The following AGTPBP1 variants were observed in gnomAD, a reference collection of about 807,000 sequenced individuals.
The protein encoded by AGTPBP1 is cytosolic carboxypeptidase 1.
In AGTPBP1, 70 loss-of-function variants were observed where a neutral mutation model predicts 143.9. The observed-to-expected ratio is 0.49, with a 90% CI of 0.40 to 0.59. AGTPBP1 has a LOEUF of 0.59. AGTPBP1 is among the 20% of genes least tolerant of loss of function. AGTPBP1 has a pLI of 0.00. For missense variants in AGTPBP1, 1,229 were observed against 1,464.5 expected (o/e 0.84, Z 2.62); for synonymous variants, 463 against 500.2 (o/e 0.93, Z 0.99).
upstream of AGTPBP1, among the ~76,000 whole-genome samples, chr9:85,745,617 A>G (rs141925401): frequency 6.6e-6 from 1 of 152,336 alleles, no homozygotes; most frequent in African/African-American, 2.4e-5. Context: ...GATTTCACAC[A>G]TTGAATGGTT....
chr9:85,614,757 T>A (rs886327955), intron 17 of AGTPBP1, among the ~76,000 whole-genome samples: 1 of 151,828 alleles, frequency 6.6e-6, no homozygotes, highest in African/African-American at 2.4e-5. Context: ...ACATAATTAG[T>A]GTGTATGTAG....
At position 85,620,971 on chromosome 9, in the gene AGTPBP1, A is replaced by G. The variant is rs372408923; in HGVS notation, c.2099+231T>C. Among the ~76,000 whole-genome samples, 7 of 152,304 alleles carry G rather than the reference A, an allele frequency of 4.6e-5. No individual in the cohort carries two copies. In the South Asian group the frequency reaches 1.5e-3, roughly 32 times the overall value. On this transcript the variant is annotated intron_variant, in intron 15 of 25. Transcript: ENST00000357081. ...GCCCATTAAAAATCTACCTAAAAACAAACAAAATCTCGTGATAGAGTTAAG... is the reference window on the plus strand; with the variant it reads ...GCCCATTAAAAATCTACCTAAAAACGAACAAAATCTCGTGATAGAGTTAAG...
chr9:85,728,028 T>TACAC (rs879929594), intron 1 of AGTPBP1, among the ~76,000 whole-genome samples: 21 of 120,822 alleles, frequency 1.7e-4, no homozygotes, highest in Non-Finnish European at 2.9e-4. Flanking sequence ...TATATATTTA[T>TACAC]ATACACACAC....
intron 23 of AGTPBP1, among the ~76,000 whole-genome samples, chr9:85,583,335 C>G (rs1354000125): frequency 1.3e-5 from 2 of 152,136 alleles, no homozygotes; most frequent in Non-Finnish European, 2.9e-5. Context: ...TCCACTTTGA[C>G]ACACATGCAC....
chr9:85,676,759 C>T (rs901468415), intron 6 of AGTPBP1, among the ~76,000 whole-genome samples: 1 of 152,160 alleles, frequency 6.6e-6, no homozygotes, highest in Non-Finnish European at 1.5e-5. Flanking sequence ...CTGCACTATT[C>T]ACAAAAGCCA....
the AGTPBP1 span, chr9:85,765,152 C>T: frequency 2.8e-6 from 1 of 355,774 alleles, no homozygotes; most frequent in Non-Finnish European, 5.2e-6. Context: ...CTTCCTGGCA[C>T]TGCCAGGCAT....
chr9:85,784,768 AC>A, the AGTPBP1 span, among the ~76,000 whole-genome samples: 1 of 152,234 alleles, frequency 6.6e-6, no homozygotes, highest in East Asian at 1.9e-4. Context: ...ACAAACTAGA[AC>A]CCCTACCTGA....
intron 25 of AGTPBP1, among the ~76,000 whole-genome samples, chr9:85,563,858 G>A (rs1234211332): frequency 2.0e-5 from 3 of 152,212 alleles, no homozygotes; most frequent in Admixed American, 1.3e-4. Flanking sequence ...CTGGCACCCT[G>A]CTCCTCTGCA....
intron 25 of AGTPBP1, among the ~76,000 whole-genome samples, chr9:85,552,924 T>C (rs558672501): frequency 3.3e-5 from 5 of 152,346 alleles, no homozygotes; most frequent in African/African-American, 7.2e-5. Flanking sequence ...TTATTGGCAA[T>C]TGGTGAATTG....
chr9:85,646,221 T>C, intron 12 of AGTPBP1, 100 bp downstream of exon 12: 2 of 766,986 alleles, frequency 2.6e-6, no homozygotes, highest in Non-Finnish European at 4.2e-6. Context: ...GTGGACAAAG[T>C]AAAACCTAAA....
At chr9:85,603,753 C>G (rs1829817005) in intron 17 of AGTPBP1, among the ~76,000 whole-genome samples, 1 of 152,176 alleles carries the variant, frequency 6.6e-6, no homozygotes. Context: ...GAGGAGCCTG[C>G]TGCCCTGAAG....
intron 22 of AGTPBP1, 76 bp downstream of exon 22, chr9:85,586,755 T>A: frequency 6.6e-7 from 1 of 1,513,860 alleles, no homozygotes; most frequent in Non-Finnish European, 9.0e-7. Flanking sequence ...CTCATGATTA[T>A]CACACAAGTG....
At chr9:85,668,965 ACATG>A (rs1416907799) in intron 8 of AGTPBP1, among the ~76,000 whole-genome samples, 1 of 53,618 alleles carries the variant, frequency 1.9e-5, no homozygotes, top group Non-Finnish European at 3.2e-5. Context: ...ATACATACAT[ACATG>A]TGTGTGTGTG....
At chr9:85,691,534 A>AGG (rs202107318) in intron 3 of AGTPBP1, among the ~76,000 whole-genome samples, 13,584 of 131,320 alleles carry the variant, frequency 0.1, 1,067 homozygotes, top group East Asian at 0.43. Flanking sequence ...AAAAAAAAAG[A>AGG]GGGTGTGTGT....
Position 85,657,580 on chromosome 9 carries a change from T to A in AGTPBP1, c.764A>T (p.Asp255Val), listed in dbSNP as rs1357774160. 2 of 1,614,072 alleles carry A rather than the reference T, an allele frequency of 1.2e-6. No homozygotes were observed. Among genetic ancestry groups the A allele is most frequent in the Admixed American group, 3.3e-5 (2 of 60,022 alleles). Residue 255 changes from aspartate to valine, a missense_variant, in exon 10 of 26, where the codon GAT (aspartate) becomes GTT (valine). Around this residue, in one of 2 missense-constraint regions of AGTPBP1, gnomAD observed 743 missense variants for 812.2 expected, o/e 0.91. Coordinates refer to ENST00000357081, the MANE Select transcript of AGTPBP1 (RefSeq NM_001330701.2). ...YVQVLLTIYV[D>V]WHRHDNRHRN... ...ATGCCGGTTATCATGGCGGTGCCAA[T>A]CTACATAAATTGTTAAAAGCACTTG... is the stretch of plus-strand genomic sequence containing the variant.
At chr9:85,630,373 G>C (rs756215071) in intron 14 of AGTPBP1, among the ~76,000 whole-genome samples, 1 of 146,016 alleles carries the variant, frequency 6.8e-6, no homozygotes, top group Non-Finnish European at 1.5e-5. Flanking sequence ...TTACAGGATT[G>C]ACTTACTTAC....
chr9:85,741,363 G>A (rs186465883), intron 1 of AGTPBP1: 44 of 985,368 alleles, frequency 4.5e-5, no homozygotes, highest in Admixed American at 6.1e-5. Flanking sequence ...GGGGAGAGCG[G>A]GGCTGGGCGC....
chr9:85,791,443 C>T, the AGTPBP1 span: 2 of 152,026 alleles, frequency 1.3e-5, no homozygotes, highest in African/African-American at 4.8e-5. Flanking sequence ...TTGGACCCCA[C>T]ACCACACTTA....
At chr9:85,563,222 C>A (rs10481762) in intron 25 of AGTPBP1, among the ~76,000 whole-genome samples, 46,702 of 151,946 alleles carry the variant, frequency 0.31, 11,319 homozygotes, top group African/African-American at 0.66. Flanking sequence ...AAAAATGTGG[C>A]AGCAGTTTTG....
Sources: gnomAD v4.1 joint callset for allele counts (sites outside exome capture counted in the v4.1 genomes callset) on GRCh38, gnomAD v4.1.1 for gene constraint, gnomAD v4.1.1 regional missense constraint, MANE v1.5 for transcripts, NCBI Gene and HGNC (gene_info 2026-07-23, HGNC 2026-07-21) for gene names.